The following TPST1 variants were observed in gnomAD, a reference collection of about 807,000 sequenced individuals.
TPST1 encodes protein-tyrosine sulfotransferase 1.
TPST1 carries 20 observed loss-of-function variants against 34.8 expected under a neutral mutation model. That is an observed-to-expected ratio of 0.57 (90% confidence interval 0.40 to 0.84). The LOEUF is 0.84. TPST1 is among the 40% of genes least tolerant of loss of function. The pLI is 0.00. For missense variants in TPST1, 353 were observed against 455.5 expected (o/e 0.78, Z 2.05); for synonymous variants, 152 against 159.4 (o/e 0.95, Z 0.35).
intron 2 of TPST1, among the ~76,000 whole-genome samples, chr7:66,252,444 C>T (rs1398468945): frequency 6.6e-6 from 1 of 151,268 alleles, no homozygotes; most frequent in Non-Finnish European, 1.5e-5. Flanking sequence ...CAAGCTCACA[C>T]CATTCTCCTG....
intron 3 of TPST1, among the ~76,000 whole-genome samples, chr7:66,316,264 TGAC>T (rs1791631450): frequency 1.3e-5 from 2 of 152,258 alleles, no homozygotes; most frequent in Admixed American, 6.5e-5. Flanking sequence ...TACTCCTTTC[TGAC>T]TTAAATATAA....
intron 3 of TPST1, among the ~76,000 whole-genome samples, chr7:66,315,094 T>G (rs1329785810): frequency 6.6e-6 from 1 of 152,222 alleles, no homozygotes; most frequent in African/African-American, 2.4e-5. Context: ...AACACCTAAT[T>G]GTATCTGTTA....
chr7:66,208,749 G>A (rs374854535), intron 1 of TPST1, among the ~76,000 whole-genome samples: 3 of 152,110 alleles, frequency 2.0e-5, no homozygotes, highest in East Asian at 1.9e-4. Context: ...GATTACAGGC[G>A]TGAGCCACTG....
At chr7:66,255,899 T>TA (rs1790374116) in intron 2 of TPST1, among the ~76,000 whole-genome samples, 1 of 151,906 alleles carries the variant, frequency 6.6e-6, no homozygotes, top group African/African-American at 2.4e-5. Context: ...AGCAGTACAG[T>TA]TTTTTTTAGT....
chr7:66,283,697 A>T (rs1009993708), intron 2 of TPST1, among the ~76,000 whole-genome samples: 1 of 152,176 alleles, frequency 6.6e-6, no homozygotes, highest in Non-Finnish European at 1.5e-5. Context: ...ATTTAATTTA[A>T]TGTGTGACTC....
intron 3 of TPST1, among the ~76,000 whole-genome samples, chr7:66,350,470 A>G (rs1332470488): frequency 1.3e-5 from 2 of 152,070 alleles, no homozygotes; most frequent in Non-Finnish European, 2.9e-5. Flanking sequence ...CTCCACGGAA[A>G]TACCTTATCT....
chr7:66,207,175 T>G (rs1252036904), intron 1 of TPST1, among the ~76,000 whole-genome samples: 3 of 152,222 alleles, frequency 2.0e-5, no homozygotes, highest in African/African-American at 7.2e-5. Flanking sequence ...TCTGCACTTC[T>G]GGATCCTGGA....
intron 2 of TPST1, among the ~76,000 whole-genome samples, chr7:66,255,520 T>A (rs778454796): frequency 9.9e-5 from 15 of 152,156 alleles, no homozygotes; most frequent in Non-Finnish European, 2.1e-4. Flanking sequence ...TTCCCCCAAC[T>A]TCTGCTGAAT....
In TPST1 at chr7:66,240,716, T is replaced by C. The variant is rs770665209; in HGVS notation, c.291T>C (p.Cys97=). The change falls in exon 2 of 6, where the codon TGT becomes TGC. Residue 97 remains cysteine, a synonymous_variant. Transcript: ENST00000304842. ...TGGACGCACATCCTGACATTCGCTG[T>C]GGAGAGGAAACCAGGGTCATTCCCC... ...AMLDAHPDIR[C]GEETRVIPRI... 2 of 1,614,130 alleles carry C rather than the reference T, an allele frequency of 1.2e-6. No individual in the cohort carries two copies. Among genetic ancestry groups the C allele is most frequent in the Non-Finnish European group, 1.7e-6 (2 of 1,180,026 alleles).
chr7:66,324,132 G>A (rs982461444), intron 3 of TPST1, among the ~76,000 whole-genome samples: 2 of 152,192 alleles, frequency 1.3e-5, no homozygotes, highest in African/African-American at 4.8e-5. Flanking sequence ...ACACTGTGCT[G>A]GGTGAAATAA....
the TPST1 span, among the ~76,000 whole-genome samples, chr7:66,199,595 C>T: frequency 1.3e-5 from 2 of 151,546 alleles, no homozygotes; most frequent in South Asian, 4.2e-4. Context: ...CACCTGGCCT[C>T]AAATTTTTCA....
In TPST1 at chr7:66,265,247, A is replaced by C. The variant is rs948102641; in HGVS notation, c.846-21264A>C. Among the ~76,000 whole-genome samples, 16 of 152,212 alleles carry C rather than the reference A, an allele frequency of 1.1e-4. No individual in the cohort carries two copies. In the East Asian group the frequency reaches 2.1e-3, roughly 20 times the overall value. ...AGGAGAGGAGAGATGGTGGGGCAGA[A>C]GGATATTTGAAGAAATAATGGGCCA... On this transcript the variant is annotated intron_variant, in intron 2 of 5. Transcript: ENST00000304842.
rs1324175734 is a variant in TPST1, at chr7:66,332,104, G to GT, written c.1045-20400dup. 1.3e-5 allele frequency among the ~76,000 whole-genome samples: 2 copies of GT among 152,118 alleles called. No homozygotes were observed. The highest frequency in any genetic ancestry group is 2.9e-5 in the Non-Finnish European group (2 of 68,042). ...AAATAAAGTGCACAGTAAACGTAAT[G>GT]TGCTTGAATCATCCGGAAACCATCC... On this transcript the variant is annotated intron_variant, in intron 3 of 5. Coordinates refer to ENST00000304842, the MANE Select transcript of TPST1 (RefSeq NM_003596.4). The surrounding 1 kb of genome is among the most constrained non-coding windows in gnomAD (Gnocchi z 4.5).
intron 3 of TPST1, among the ~76,000 whole-genome samples, chr7:66,345,392 C>G (rs1348727921): frequency 6.9e-6 from 1 of 145,394 alleles, no homozygotes; most frequent in Non-Finnish European, 1.5e-5. Flanking sequence ...ACTCAAGAGA[C>G]TGAGGCAGGA....
intron 1 of TPST1, among the ~76,000 whole-genome samples, chr7:66,211,196 G>A (rs62465543): frequency 1.1e-4 from 16 of 151,612 alleles, no homozygotes; most frequent in Non-Finnish European, 1.5e-4. Flanking sequence ...GTGCAATGGC[G>A]CGATCTTGGC....
chr7:66,200,929 T>C (rs957587936), upstream of TPST1, among the ~76,000 whole-genome samples: 10 of 152,090 alleles, frequency 6.6e-5, no homozygotes, highest in Admixed American at 6.6e-5. Flanking sequence ...GGTTTTACCA[T>C]GTTGACCAGG....
chr7:66,211,233 G>C (rs34913718), intron 1 of TPST1, among the ~76,000 whole-genome samples: 101,078 of 151,864 alleles, frequency 0.67, 34,065 homozygotes, highest in African/African-American at 0.76. Flanking sequence ...CTCCCAGGTT[G>C]AAGCAATTCT....
At chr7:66,277,244 T>C (rs943282499) in intron 2 of TPST1, among the ~76,000 whole-genome samples, 1 of 152,232 alleles carries the variant, frequency 6.6e-6, no homozygotes, top group Non-Finnish European at 1.5e-5. Flanking sequence ...AACCTACCAG[T>C]GGCCCTTATA....
chr7:66,215,796 G>A (rs1554340069), intron 1 of TPST1, among the ~76,000 whole-genome samples: 5 of 135,618 alleles, frequency 3.7e-5, no homozygotes, highest in South Asian at 2.3e-4. Context: ...TTTTTGAGAC[G>A]GAGTCTCGCT....
Sources: allele counts gnomAD v4.1 joint callset (sites outside exome capture counted in the v4.1 genomes callset), GRCh38; gene constraint gnomAD v4.1.1; non-coding constraint Gnocchi (gnomAD v3.1); transcripts MANE v1.5; gene names NCBI Gene and HGNC (gene_info 2026-07-23, HGNC 2026-07-21).